COPS3: variants seen among roughly 807,000 people sequenced by gnomAD.
COPS3 encodes the protein COP9 signalosome complex subunit 3.
In COPS3, 10 loss-of-function variants were observed where a neutral mutation model predicts 58.2. The ratio of observed to expected loss-of-function variants is 0.17; its 90% CI spans 0.11 to 0.29. The LOEUF (loss-of-function observed/expected upper bound fraction) is 0.29. Ranked by LOEUF, COPS3 falls within the 10% of genes least tolerant of loss-of-function variation. The probability of loss-of-function intolerance (pLI) is 1.00; values close to 1 mark genes in which losing one functional copy is unlikely to be tolerated. For synonymous variants in COPS3, 187 were observed against 181.7 expected (o/e 1.03, Z -0.24); for missense variants, 333 against 510.1 (o/e 0.65, Z 3.34).
chr17:17,276,290 C>T lies in COPS3; in HGVS notation c.56-126G>A, dbSNP rs2048459638. ...AATTGATTCTTAATCTCCTTCACTT[C>T]GGATGAGGATCCAGAAGGACCAGAG... is the stretch of plus-strand genomic sequence containing the variant. On this transcript the variant is annotated intron_variant, in intron 1 of 11. Transcript: ENST00000268717. 2.2e-5 allele frequency: 28 copies of T among 1,255,458 alleles called. No homozygotes were observed. In the Middle Eastern group the frequency reaches 6.0e-4, roughly 27 times the overall value. The allele number at this position is 1,255,458 out of a possible 1,614,324, so 77.8% of individuals were successfully genotyped here.
intron 11 of COPS3, 23 bp from the exon 12 acceptor site, chr17:17,247,174 T>C (rs2047742076): frequency 4.3e-6 from 7 of 1,610,060 alleles, no homozygotes; most frequent in South Asian, 3.3e-5. Flanking sequence ...AGTGAAGTTA[T>C]GTATTTATGT....
At chr17:17,275,451 G>A (rs903536368) in intron 2 of COPS3, among the ~76,000 whole-genome samples, 9 of 152,072 alleles carry the variant, frequency 5.9e-5, no homozygotes, top group Admixed American at 3.3e-4. Flanking sequence ...GTACAGTGGC[G>A]CGACCTTGGC....
intron 8 of COPS3, 157 bp from the exon 9 acceptor site, chr17:17,255,102 C>A (rs2047938334): frequency 1.9e-6 from 1 of 528,812 alleles, no homozygotes; most frequent in South Asian, 2.2e-5. Flanking sequence ...GAGATTGAGA[C>A]CATCTTGGCT....
intron 2 of COPS3, among the ~76,000 whole-genome samples, chr17:17,273,820 C>A (rs117518213): frequency 0.02 from 3,085 of 152,278 alleles, 43 homozygotes; most frequent in African/African-American, 0.029. Flanking sequence ...CCACTGCACT[C>A]CTGACTGGGT....
Position 17,248,997 on chromosome 17 carries a change from C to T in COPS3, c.1066G>A (p.Gly356Ser). Residue 356 changes from glycine (G) to serine (S), a missense_variant, in exon 10 of 12, where the codon GGT becomes AGT. Coordinates refer to ENST00000268717, the MANE Select transcript of COPS3 (RefSeq NM_003653.4). ...GGGTTATCATGGAAACTGACCATAC[C>T]GTCCTTCTGGTTAATACTTGCAAAA... ...EIFASINQKD[G>S]MVSFHDNPEK... 1.9e-6 allele frequency: 3 copies of T among 1,609,030 alleles called. No homozygotes were observed. Among genetic ancestry groups the T allele is most frequent in the Non-Finnish European group, 2.5e-6 (3 of 1,178,392 alleles).
At chr17:17,259,796 A>G (rs1475048183) in intron 8 of COPS3, among the ~76,000 whole-genome samples, 11 of 152,146 alleles carry the variant, frequency 7.2e-5, no homozygotes, top group Middle Eastern at 3.4e-3. Context: ...TGGGAGGCTG[A>G]GGTGGGCAGA....
At chr17:17,280,879 A>AGGCCGGGGGGAGGGGGCTCCCGGC in intron 1 of COPS3, 1 of 1,037,240 alleles carries the variant, frequency 9.6e-7, no homozygotes, top group Non-Finnish European at 1.3e-6. Flanking sequence ...GAAGGGGCCC[A>AGGCCGGGGGGAGGGGGCTCCCGGC]GGCCGGGGGG....
At chr17:17,258,500 T>C (rs1052659141) in intron 8 of COPS3, among the ~76,000 whole-genome samples, 1 of 152,188 alleles carries the variant, frequency 6.6e-6, no homozygotes, top group Non-Finnish European at 1.5e-5. Flanking sequence ...CATTTGCTAT[T>C]TTGCAATTTA....
chr17:17,264,849 A>T lies in COPS3; in HGVS notation c.574T>A (p.Tyr192Asn). Reference protein sequence around the residue: ...LCYYYYGGMIYTGLKNFERAL... With the variant: ...LCYYYYGGMINTGLKNFERAL... ...CTTTCAAAGTTCTTCAGCCCAGTAT[A>T]GATCATCCCTCCATAATAATAGTAA... is the stretch of plus-strand genomic sequence containing the variant. Residue 192 changes from tyrosine to asparagine, a missense_variant, in exon 6 of 12, where the codon TAT (tyrosine) becomes AAT (asparagine). Physicochemically the swap from Tyr to Asn is moderately radical, Grantham distance 143. Transcript: ENST00000268717. The T allele has an allele frequency of 6.2e-7, 1 of 1,613,404 alleles. No homozygotes were observed. The highest frequency in any genetic ancestry group is 8.5e-7 in the Non-Finnish European group (1 of 1,179,610).
At chr17:17,273,820 C>G (rs117518213) in intron 2 of COPS3, among the ~76,000 whole-genome samples, 49 of 152,282 alleles carry the variant, frequency 3.2e-4, no homozygotes, top group African/African-American at 1.2e-3. Flanking sequence ...CCACTGCACT[C>G]CTGACTGGGT....
chr17:17,259,158 C>T (rs1481130324), intron 8 of COPS3, among the ~76,000 whole-genome samples: 1 of 152,116 alleles, frequency 6.6e-6, no homozygotes, highest in Non-Finnish European at 1.5e-5. Context: ...AACAGCTACC[C>T]TATTCTGGTT....
chr17:17,251,399 A>G (rs1231023634), intron 9 of COPS3, among the ~76,000 whole-genome samples: 1 of 151,790 alleles, frequency 6.6e-6, no homozygotes, highest in African/African-American at 2.4e-5. Context: ...GGTTTGAGCG[A>G]TTCTCCAGCC....
At chr17:17,253,062 C>CA (rs1194845015) in intron 9 of COPS3, among the ~76,000 whole-genome samples, 1 of 152,040 alleles carries the variant, frequency 6.6e-6, no homozygotes, top group Non-Finnish European at 1.5e-5. Flanking sequence ...CCTGCCTGTA[C>CA]AAAAAATTTA....
chr17:17,253,932 A>G (rs1008057551), intron 9 of COPS3, among the ~76,000 whole-genome samples: 2 of 152,144 alleles, frequency 1.3e-5, no homozygotes, highest in African/African-American at 4.8e-5. Context: ...TGGGGGTTGC[A>G]GTGAGCTAAG....
At chr17:17,257,805 A>AG (rs2048010694) in intron 8 of COPS3, among the ~76,000 whole-genome samples, 1 of 151,426 alleles carries the variant, frequency 6.6e-6, no homozygotes, top group Non-Finnish European at 1.5e-5. Flanking sequence ...TCAAAAAAAA[A>AG]AAAAAAGAAA....
intron 9 of COPS3, 106 bp from the exon 10 acceptor site, chr17:17,249,145 TA>T: frequency 1.6e-6 from 1 of 631,460 alleles, no homozygotes; most frequent in Middle Eastern, 2.9e-4. Flanking sequence ...AACATGGATA[TA>T]AATAAACTTG....
chr17:17,255,719 A>C (rs2047956736), intron 8 of COPS3, among the ~76,000 whole-genome samples: 1 of 151,702 alleles, frequency 6.6e-6, no homozygotes, highest in South Asian at 2.1e-4. Context: ...AGGCACCTGT[A>C]ATCCCAGCTG....
chr17:17,272,453 T>C (rs1251739147), intron 2 of COPS3, among the ~76,000 whole-genome samples: 1 of 152,024 alleles, frequency 6.6e-6, no homozygotes, highest in Non-Finnish European at 1.5e-5. Context: ...TTTATACAAA[T>C]CCTGAAAATT....
At chr17:17,272,511 T>A (rs1292102709) in intron 2 of COPS3, among the ~76,000 whole-genome samples, 1 of 152,242 alleles carries the variant, frequency 6.6e-6, no homozygotes, top group East Asian at 1.9e-4. Context: ...AGTTTGCATT[T>A]ATCTGAATAC....
Sources: allele counts gnomAD v4.1 joint callset (sites outside exome capture counted in the v4.1 genomes callset), GRCh38; gene constraint gnomAD v4.1.1; transcripts MANE v1.5; gene names NCBI Gene and HGNC (gene_info 2026-07-23, HGNC 2026-07-21).